EPS15L1: variants seen among roughly 807,000 people sequenced by gnomAD.
The protein encoded by EPS15L1 is epidermal growth factor receptor pathway substrate 15 like 1.
EPS15L1 carries 43 observed loss-of-function variants against 117.1 expected under a neutral mutation model. The observed-to-expected ratio is 0.37, with a 90% CI of 0.29 to 0.47. The LOEUF (loss-of-function observed/expected upper bound fraction) is 0.47. EPS15L1 is among the 20% of genes least tolerant of loss of function. The pLI is 0.99. For missense variants in EPS15L1, 981 were observed against 1,164.0 expected (o/e 0.84, Z 2.29); for synonymous variants, 459 against 470.5 (o/e 0.98, Z 0.32).
intron 22 of EPS15L1, among the ~76,000 whole-genome samples, chr19:16,375,621 G>A (rs2092285814): frequency 6.6e-6 from 1 of 152,232 alleles, no homozygotes; most frequent in East Asian, 1.9e-4. Flanking sequence ...ATGGAAGGGA[G>A]TCCCTTTGTT....
At chr19:16,361,228 T>C (rs141116025) in intron 23 of EPS15L1, among the ~76,000 whole-genome samples, 4 of 149,664 alleles carry the variant, frequency 2.7e-5, no homozygotes, top group Admixed American at 6.8e-5. Context: ...TCTTTTTTCA[T>C]TGGAGCTGGT....
intron 1 of EPS15L1, among the ~76,000 whole-genome samples, chr19:16,450,232 GCTGT>G (rs2093126580): frequency 6.6e-6 from 1 of 152,142 alleles, no homozygotes; most frequent in Non-Finnish European, 1.5e-5. Context: ...GGGCAACAGA[GCTGT>G]CTCTTAAAAA....
intron 16 of EPS15L1, chr19:16,401,687 C>T: frequency 1.0e-6 from 1 of 985,442 alleles, no homozygotes; most frequent in East Asian, 1.1e-4. Context: ...GGCTCAAGAG[C>T]TCTCAAAAAT....
intron 1 of EPS15L1, among the ~76,000 whole-genome samples, chr19:16,461,135 C>G (rs181253226): frequency 0.015 from 2,251 of 151,868 alleles, 47 homozygotes; most frequent in African/African-American, 0.052. Flanking sequence ...GAAACCCCGT[C>G]TCTACTAAAA....
chr19:16,418,897 C>A (rs1027596372), intron 10 of EPS15L1, among the ~76,000 whole-genome samples: 6 of 152,196 alleles, frequency 3.9e-5, no homozygotes, highest in Non-Finnish European at 7.3e-5. Context: ...CTTCCACCCC[C>A]CAGAGCCGTG....
chr19:16,387,053 C>CT (rs1240753051), intron 19 of EPS15L1, among the ~76,000 whole-genome samples: 2 of 152,176 alleles, frequency 1.3e-5, no homozygotes, highest in African/African-American at 4.8e-5. Flanking sequence ...TGGTGGAACT[C>CT]TGAGACAGGG....
In EPS15L1 at chr19:16,440,919, C is replaced by A; in HGVS notation, c.166-10G>T. On this transcript the variant is annotated splice_polypyrimidine_tract_variant and intron_variant, in intron 3 of 23. Transcript: ENST00000455140. ...CGGCCAAGTCCCATATCTGCGGAAA[C>A]ACAAAAATGCTCATAAGCATGACTG... 6.2e-7 allele frequency: 1 copy of A among 1,614,058 alleles called. No individual in the cohort carries two copies. The highest frequency in any genetic ancestry group is 2.2e-5 in the East Asian group (1 of 44,878).
At chr19:16,453,810 G>A (rs542026023) in intron 1 of EPS15L1, among the ~76,000 whole-genome samples, 1 of 151,382 alleles carries the variant, frequency 6.6e-6, no homozygotes, top group South Asian at 2.1e-4. Context: ...ATACTCTCAT[G>A]TAACAAATAT....
intron 21 of EPS15L1, among the ~76,000 whole-genome samples, chr19:16,379,030 G>A (rs182755013): frequency 3.2e-4 from 48 of 152,308 alleles, no homozygotes; most frequent in African/African-American, 1.1e-3. Context: ...CTGGCCGGGC[G>A]CACTGGCTCA....
chr19:16,462,618 A>C (rs2093264085), intron 1 of EPS15L1, among the ~76,000 whole-genome samples: 2 of 152,198 alleles, frequency 1.3e-5, no homozygotes, highest in African/African-American at 4.8e-5. Context: ...CAGTGAGCCA[A>C]GATCATGCCA....
chr19:16,456,065 T>C (rs774699164), intron 1 of EPS15L1, among the ~76,000 whole-genome samples: 3 of 151,958 alleles, frequency 2.0e-5, no homozygotes, highest in Non-Finnish European at 4.4e-5. Context: ...CTAGGCATGG[T>C]GGCACAGGCC....
chr19:16,452,512 C>A (rs537741861), intron 1 of EPS15L1, among the ~76,000 whole-genome samples: 1 of 150,216 alleles, frequency 6.7e-6, no homozygotes, highest in Non-Finnish European at 1.5e-5. Context: ...CCCAGCTACT[C>A]GAGAAGCTAA....
At chr19:16,428,847 C>A in intron 7 of EPS15L1, 86 bp from the exon 8 acceptor site, 2 of 1,069,546 alleles carry the variant, frequency 1.9e-6, no homozygotes, top group African/African-American at 3.1e-5. Flanking sequence ...GACTCTCAGC[C>A]GTGGCACTCA....
At chr19:16,445,055 G>A (rs2093070063) in intron 1 of EPS15L1, among the ~76,000 whole-genome samples, 1 of 152,230 alleles carries the variant, frequency 6.6e-6, no homozygotes, top group East Asian at 1.9e-4. Context: ...GGGAAGCAAG[G>A]GAAAGAGGTT....
intron 1 of EPS15L1, among the ~76,000 whole-genome samples, chr19:16,450,481 T>TTC (rs2093130081): frequency 6.8e-6 from 1 of 146,230 alleles, no homozygotes; most frequent in African/African-American, 2.5e-5. Context: ...CATCTTCTTT[T>TTC]TTTTTTTTTT....
intron 8 of EPS15L1, among the ~76,000 whole-genome samples, chr19:16,428,472 A>AGAGGGAGAGAGGGAGG (rs2092896499): frequency 9.9e-6 from 1 of 100,686 alleles, no homozygotes; most frequent in Non-Finnish European, 1.9e-5. Context: ...GAGAGAGGAG[A>AGAGGGAGAGAGGGAGG]GAGGGAGAGA....
At chr19:16,394,431 T>C (rs2092518126) in intron 17 of EPS15L1, among the ~76,000 whole-genome samples, 1 of 152,174 alleles carries the variant, frequency 6.6e-6, no homozygotes, top group Non-Finnish European at 1.5e-5. Flanking sequence ...ACCCCTGGGC[T>C]TCAGGGGCTG....
At chr19:16,372,583 C>T (rs1420125870) in intron 22 of EPS15L1, among the ~76,000 whole-genome samples, 1 of 152,170 alleles carries the variant, frequency 6.6e-6, no homozygotes, top group Non-Finnish European at 1.5e-5. Flanking sequence ...GAAAAGGGCC[C>T]AATTAATGAC....
At chr19:16,455,846 A>G (rs551151687) in intron 1 of EPS15L1, among the ~76,000 whole-genome samples, 1 of 152,184 alleles carries the variant, frequency 6.6e-6, no homozygotes, top group African/African-American at 2.4e-5. Flanking sequence ...CCCTCTCCCC[A>G]GAAACATCCC....
Sources: allele counts gnomAD v4.1 joint callset (sites outside exome capture counted in the v4.1 genomes callset), GRCh38; gene constraint gnomAD v4.1.1; transcripts MANE v1.5; gene names NCBI Gene and HGNC (gene_info 2026-07-23, HGNC 2026-07-21).